HHAT: variants seen among roughly 807,000 people sequenced by gnomAD.
HHAT encodes the protein protein-cysteine N-palmitoyltransferase HHAT.
HHAT carries 47 observed loss-of-function variants against 70.8 expected under a neutral mutation model. That is an observed-to-expected ratio of 0.66 (90% CI 0.53 to 0.85). The LOEUF is 0.85. Among genes scored for constraint, HHAT ranks in the 40% least tolerant of loss-of-function variants. The pLI is 0.00. For synonymous variants in HHAT, 228 were observed against 247.6 expected (o/e 0.92, Z 0.74); for missense variants, 609 against 604.8 (o/e 1.01, Z -0.07).
At chr1:210,500,177 T>C (rs1054278075) in intron 8 of HHAT, among the ~76,000 whole-genome samples, 10 of 152,206 alleles carry the variant, frequency 6.6e-5, no homozygotes, top group African/African-American at 2.4e-4. Context: ...GAAGGGATCA[T>C]GTGATGTCTA....
rs1452153371 is a variant in HHAT, at chr1:210,329,111, A to G, written c.-44+7A>G. 2 of 1,381,980 alleles carry G rather than the reference A, an allele frequency of 1.4e-6. No individual in the cohort carries two copies. Among genetic ancestry groups the G allele is most frequent in the East Asian group, 3.1e-5 (1 of 32,548 alleles). 85.6% of individuals were successfully genotyped at this position (1,381,980 alleles called of 1,614,324 possible). Reference sequence around the variant, plus strand: ...CGCCCGGGACAGCCCGGAGGTTGGTAACTGGTGACCATAGGGGGTCCTGGG... The same window carrying G: ...CGCCCGGGACAGCCCGGAGGTTGGTGACTGGTGACCATAGGGGGTCCTGGG... On this transcript the variant is annotated splice_region_variant and intron_variant, in intron 1 of 11. Transcript: ENST00000261458.
At chr1:210,506,846 T>C (rs1054206807) in intron 8 of HHAT, among the ~76,000 whole-genome samples, 1 of 152,230 alleles carries the variant, frequency 6.6e-6, no homozygotes, top group African/African-American at 2.4e-5. Context: ...ACGACATTTA[T>C]TGCTTTCCGG....
At chr1:210,458,775 G>A (rs568144620) in intron 7 of HHAT, among the ~76,000 whole-genome samples, 3 of 152,124 alleles carry the variant, frequency 2.0e-5, no homozygotes, top group Admixed American at 1.3e-4. Context: ...ATTTTTAGCC[G>A]CTCATTTGTG....
intron 2 of HHAT, among the ~76,000 whole-genome samples, chr1:210,361,354 C>T (rs890146230): frequency 4.6e-5 from 7 of 152,220 alleles, no homozygotes; most frequent in African/African-American, 1.2e-4. Flanking sequence ...AATGGTCTTG[C>T]GTGCAGCTGT....
intron 10 of HHAT, among the ~76,000 whole-genome samples, chr1:210,612,304 T>G (rs1257750802): frequency 6.6e-6 from 1 of 152,148 alleles, no homozygotes; most frequent in Non-Finnish European, 1.5e-5. Flanking sequence ...ATCTGAAACC[T>G]CTCATCCTCT....
At chr1:210,431,308 C>T (rs2093235454) in intron 7 of HHAT, among the ~76,000 whole-genome samples, 1 of 151,728 alleles carries the variant, frequency 6.6e-6, no homozygotes, top group Non-Finnish European at 1.5e-5. Context: ...GCCACCTGTC[C>T]CCACATGTGG....
At chr1:210,417,574 T>G (rs4845018) in intron 6 of HHAT, among the ~76,000 whole-genome samples, 1 of 152,228 alleles carries the variant, frequency 6.6e-6, no homozygotes, top group African/African-American at 2.4e-5. Flanking sequence ...TTAACTGTTA[T>G]GCTCTGCTGC....
chr1:210,385,294 T>A (rs1249465152), intron 3 of HHAT, among the ~76,000 whole-genome samples: 2 of 151,036 alleles, frequency 1.3e-5, no homozygotes, highest in African/African-American at 4.9e-5. Flanking sequence ...TAAAAAAGTG[T>A]CTTGGCTTTT....
chr1:210,371,311 G>A (rs1395171369), intron 3 of HHAT, among the ~76,000 whole-genome samples: 2 of 152,172 alleles, frequency 1.3e-5, no homozygotes, highest in East Asian at 1.9e-4. Context: ...ATCATACTTG[G>A]CTAACTTTTT....
At chr1:210,601,323 GA>G (rs1245777883) in intron 10 of HHAT, among the ~76,000 whole-genome samples, 2 of 152,112 alleles carry the variant, frequency 1.3e-5, no homozygotes, top group Non-Finnish European at 2.9e-5. Context: ...GGCCTGATTA[GA>G]AAACCTTTTC....
chr1:210,522,535 G>A (rs564694610), intron 9 of HHAT, among the ~76,000 whole-genome samples: 7 of 152,280 alleles, frequency 4.6e-5, no homozygotes, highest in South Asian at 2.1e-4. Context: ...CCCTTCCATC[G>A]TTGCTCCTGC....
At chr1:210,634,354 G>T (rs1671461958) in intron 11 of HHAT, among the ~76,000 whole-genome samples, 1 of 152,186 alleles carries the variant, frequency 6.6e-6, no homozygotes, top group South Asian at 2.1e-4. Context: ...TTGTTTACAT[G>T]TTGGGTAGAT....
At chr1:210,496,260 T>C (rs2148529021) in intron 8 of HHAT, among the ~76,000 whole-genome samples, 1 of 152,264 alleles carries the variant, frequency 6.6e-6, no homozygotes. Context: ...TGCCTGTGGC[T>C]GTTGGCAGGA....
intron 11 of HHAT, among the ~76,000 whole-genome samples, chr1:210,671,237 C>T (rs938739682): frequency 3.9e-5 from 6 of 152,174 alleles, no homozygotes; most frequent in African/African-American, 1.4e-4. Context: ...CTGCTGATGC[C>T]TCACTCCAAA....
intron 8 of HHAT, among the ~76,000 whole-genome samples, chr1:210,482,254 A>T (rs956094530): frequency 2.0e-5 from 3 of 152,138 alleles, no homozygotes; most frequent in Admixed American, 6.5e-5. Flanking sequence ...CCCAGATCAC[A>T]CATAGAGCAC....
chr1:210,407,459 A>G (rs1029118393), intron 6 of HHAT, among the ~76,000 whole-genome samples: 3 of 152,236 alleles, frequency 2.0e-5, no homozygotes, highest in African/African-American at 7.2e-5. Context: ...TTCACCCAGT[A>G]TCTGCAAACT....
chr1:210,576,665 A>G (rs1462837941), intron 9 of HHAT, among the ~76,000 whole-genome samples: 1 of 152,180 alleles, frequency 6.6e-6, no homozygotes, highest in Non-Finnish European at 1.5e-5. Flanking sequence ...TTAAAGTATA[A>G]TAATAATAAC....
At chr1:210,425,060 A>C (rs2093021043) in intron 7 of HHAT, among the ~76,000 whole-genome samples, 1 of 152,168 alleles carries the variant, frequency 6.6e-6, no homozygotes. Context: ...ATGAGATAGG[A>C]TCTCATTGTG....
At chr1:210,336,287 A>ATTTGTTTTTTTTTTTTTTTTTTTTTT (rs2085479021) in intron 1 of HHAT, among the ~76,000 whole-genome samples, 1 of 84,626 alleles carries the variant, frequency 1.2e-5, no homozygotes, top group Non-Finnish European at 2.4e-5. Context: ...TGCCTGGCTA[A>ATTTGTTTTTTTTTTTTTTTTTTTTTT]TTTTTTTTTT....
Sources: allele counts gnomAD v4.1 joint callset (sites outside exome capture counted in the v4.1 genomes callset), GRCh38; gene constraint gnomAD v4.1.1; transcripts MANE v1.5; gene names NCBI Gene and HGNC (gene_info 2026-07-23, HGNC 2026-07-21).